CEP290: variants seen among roughly 807,000 people sequenced by gnomAD.
CEP290 encodes centrosomal protein of 290 kDa.
In CEP290, 317 loss-of-function variants were observed where a neutral mutation model predicts 344.9. The observed-to-expected ratio is 0.92, with a 90% CI of 0.84 to 1.01. CEP290 has a LOEUF of 1.01. CEP290 is among the 50% of genes least tolerant of loss of function. The pLI, the probability that CEP290 is intolerant of heterozygous loss-of-function variation, is 0.00. For missense variants in CEP290, 2,754 were observed against 2,761.4 expected, an observed-to-expected ratio of 1.00 and a Z score of 0.06; for synonymous variants, 932 against 895.8, an observed-to-expected ratio of 1.04 and a Z score of -0.72.
chr12:88,130,412 T>C lies in CEP290; in HGVS notation c.525A>G (p.Gln175=), dbSNP rs2039993836. 1 of 1,603,802 alleles carries C rather than the reference T, an allele frequency of 6.2e-7. No homozygotes were observed. Among genetic ancestry groups the C allele is most frequent in the Admixed American group, 1.7e-5 (1 of 57,562 alleles). ...GGTAGTCAATAATATCCTGACAAAG[T>C]TGTTCATTCTGAAGGTAACCAAACA... The part of the protein sequence containing the change: ...ENKRLKKKNE[Q]LCQDIIDYQK... The change falls in exon 9 of 54, where the codon CAA becomes CAG. Residue 175 remains glutamine, a synonymous_variant. Coordinates refer to ENST00000552810, the MANE Select transcript of CEP290 (RefSeq NM_025114.4).
chr12:88,110,531 C>T (rs571239186), intron 22 of CEP290, among the ~76,000 whole-genome samples: 70 of 151,740 alleles, frequency 4.6e-4, no homozygotes, highest in Non-Finnish European at 8.0e-4. Flanking sequence ...GCCAATATGA[C>T]GACACACCAT....
chr12:88,067,564 T>C (rs1313041915), intron 44 of CEP290, among the ~76,000 whole-genome samples: 1 of 152,200 alleles, frequency 6.6e-6, no homozygotes, highest in Non-Finnish European at 1.5e-5. Context: ...CGGATCTATG[T>C]AGTTGTTGTG....
At chr12:88,055,512 T>A in intron 50 of CEP290, 64 bp downstream of exon 50, 1 of 1,401,076 alleles carries the variant, frequency 7.1e-7, no homozygotes, top group Non-Finnish European at 9.7e-7. Flanking sequence ...TATAAGACAA[T>A]GCAAGGAACA....
rs754184488 is a variant in CEP290 at position 88,080,279 on chromosome 12, G to A, written c.5129C>T (p.Ala1710Val). 2.1e-5 allele frequency: 34 copies of A among 1,613,292 alleles called. 1 individual carries two copies. The Admixed American group carries it at 4.8e-4, about 23-fold the overall frequency. Residue 1710 changes from alanine (A) to valine (V), a missense_variant, in exon 38 of 54, where the codon GCT becomes GTT. Coordinates refer to ENST00000552810, the MANE Select transcript of CEP290 (RefSeq NM_025114.4). The part of the protein sequence containing the change: ...ESQCLKSELQ[A>V]QKEANSRAPT... Reference sequence around the variant, plus strand: ...AGCTCTTGAATTTGCTTCTTTTTGAGCCTGAAGTTCAGATTTTAAACACTG... The same window carrying A: ...AGCTCTTGAATTTGCTTCTTTTTGAACCTGAAGTTCAGATTTTAAACACTG...
At chr12:88,063,656 TC>T (rs557297575) in intron 45 of CEP290, among the ~76,000 whole-genome samples, 66 of 152,182 alleles carry the variant, frequency 4.3e-4, no homozygotes, top group African/African-American at 1.5e-3. Flanking sequence ...TTTACACCAA[TC>T]ATGCTTTATT....
At chr12:88,120,373 G>A (rs2039330919) in intron 14 of CEP290, 97 bp from the exon 15 acceptor site, 1 of 547,708 alleles carries the variant, frequency 1.8e-6, no homozygotes, top group African/African-American at 2.0e-5. Flanking sequence ...AAAGGAAAAT[G>A]TACATATGCC....
chr12:88,114,402 A>T lies in CEP290; in HGVS notation c.2052+18T>A, dbSNP rs2038913409. 1 of 1,531,868 alleles carries T rather than the reference A, an allele frequency of 6.5e-7. No homozygotes were observed. The highest frequency in any genetic ancestry group is 2.1e-5 in the Admixed American group (1 of 47,358). 94.9% of individuals were successfully genotyped at this position (1,531,868 alleles called of 1,614,324 possible). A position where few individuals can be genotyped will look rare whatever the true frequency, so the allele number is the denominator to read the frequency against. ...AAAGTGATAGGGGAAAAACATTAAC[A>T]TGAAAAAAATAACTTACATTAACTA... On this transcript the variant is annotated intron_variant, in intron 20 of 53. Transcript: ENST00000552810.
chr12:88,059,365 C>A (rs2034272689), intron 48 of CEP290, among the ~76,000 whole-genome samples: 1 of 152,118 alleles, frequency 6.6e-6, no homozygotes, highest in South Asian at 2.1e-4. Context: ...GCTTACGAGA[C>A]CTAGCTATAA....
chr12:88,059,653 C>T (rs892196631), intron 48 of CEP290, among the ~76,000 whole-genome samples: 5 of 152,126 alleles, frequency 3.3e-5, no homozygotes, highest in Admixed American at 6.5e-5. Flanking sequence ...GTGATCCACC[C>T]GCCTTGGCCT....
chr12:88,134,810 A>G (rs1227343403), intron 6 of CEP290, among the ~76,000 whole-genome samples: 1 of 152,200 alleles, frequency 6.6e-6, no homozygotes, highest in African/African-American at 2.4e-5. Context: ...TTTCAGTCAA[A>G]ATGAATAACT....
At chr12:88,132,937 T>C (rs181453262) in intron 6 of CEP290, among the ~76,000 whole-genome samples, 1 of 152,232 alleles carries the variant, frequency 6.6e-6, no homozygotes, top group East Asian at 1.9e-4. Flanking sequence ...CATGTGTCCA[T>C]GTGTTCTCAT....
In CEP290 at chr12:88,093,982, G is replaced by A. The variant is rs1382103918; in HGVS notation, c.3104-7C>T. 1.3e-6 allele frequency: 2 copies of A among 1,581,754 alleles called. No individual in the cohort carries two copies. Among genetic ancestry groups the A allele is most frequent in the South Asian group, 2.3e-5 (2 of 86,296 alleles). On this transcript the variant is annotated splice_region_variant and splice_polypyrimidine_tract_variant and intron_variant, in intron 27 of 53. Coordinates refer to ENST00000552810, the MANE Select transcript of CEP290 (RefSeq NM_025114.4). ...TCCATGCTAGATTCATTACCTACAT[G>A]CAATAATATTTAAGTCAATCTCATG...
intron 35 of CEP290, among the ~76,000 whole-genome samples, 190 bp downstream of exon 35, chr12:88,084,396 T>C (rs754833042): frequency 3.3e-5 from 5 of 152,138 alleles, no homozygotes; most frequent in Non-Finnish European, 5.9e-5. Context: ...CAGTGTATAA[T>C]AGAAAGATAC....
intron 28 of CEP290, among the ~76,000 whole-genome samples, chr12:88,093,071 TTATC>T (rs951923843): frequency 1.4e-4 from 22 of 152,234 alleles, no homozygotes; most frequent in Middle Eastern, 6.8e-3. Context: ...AGGCAACTCA[TTATC>T]TAATAATATC....
At position 88,118,530 on chromosome 12, in the gene CEP290, T is replaced by C. The variant is rs369231584; in HGVS notation, c.1664A>G (p.Lys555Arg). ...TCTTTCTTGAGCCATTTGACGAATTTTTTTTTTCAGATCAAGTCGTTCTTC... is the reference window on the plus strand; with the variant it reads ...TCTTTCTTGAGCCATTTGACGAATTCTTTTTTTCAGATCAAGTCGTTCTTC... Reference protein sequence around the residue: ...LEEERLDLKKKIRQMAQERGK... With the variant: ...LEEERLDLKKRIRQMAQERGK... Residue 555 changes from lysine to arginine, a missense_variant, in exon 17 of 54, where the codon AAA becomes AGA. Physicochemically the swap from Lys to Arg is conservative, Grantham distance 26 (BLOSUM62 2). Coordinates refer to ENST00000552810, the MANE Select transcript of CEP290 (RefSeq NM_025114.4). The C allele has an allele frequency of 6.3e-7, 1 of 1,576,916 alleles. No individual in the cohort carries two copies. The highest frequency in any genetic ancestry group is 8.6e-7 in the Non-Finnish European group (1 of 1,159,276).
intron 47 of CEP290, 33 bp downstream of exon 47, chr12:88,060,797 T>A (rs2034418702): frequency 7.0e-7 from 1 of 1,438,680 alleles, no homozygotes; most frequent in Middle Eastern, 1.8e-4. Flanking sequence ...CGTAAAATAT[T>A]CCCCTAAAAA....
intron 28 of CEP290, chr12:88,093,466 T>C (rs540643898): frequency 5.4e-5 from 15 of 277,398 alleles, no homozygotes; most frequent in South Asian, 9.8e-5. Context: ...TGACATGTAA[T>C]AGGCAATGAA....
intron 40 of CEP290, 83 bp from the exon 41 acceptor site, chr12:88,077,427 A>G (rs2035861716): frequency 3.2e-6 from 3 of 925,898 alleles, no homozygotes; most frequent in Non-Finnish European, 4.7e-6. Flanking sequence ...ATATAATAGC[A>G]ACTTTCTGAA....
In CEP290 at chr12:88,118,490, T is replaced by C. The variant is rs1205694117; in HGVS notation, c.1704A>G (p.Ala568=). 1 of 1,556,504 alleles carries C rather than the reference T, an allele frequency of 6.4e-7. No homozygotes were observed. The highest frequency in any genetic ancestry group is 1.2e-5 in the South Asian group (1 of 84,594). Residue 568 remains alanine, a synonymous_variant, in exon 17 of 54, where the codon GCA becomes GCG. Coordinates refer to ENST00000552810, the MANE Select transcript of CEP290 (RefSeq NM_025114.4). ...TAGAATAACTGAGTATACCTGAAGT[T>C]GCACTTCTTTTTCCTCTTTCTTGAG... The part of the protein sequence containing the change: ...QMAQERGKRS[A]TSGLTTEDLN...
Sources: gnomAD v4.1 joint callset for allele counts (sites outside exome capture counted in the v4.1 genomes callset) on GRCh38, gnomAD v4.1.1 for gene constraint, MANE v1.5 for transcripts, NCBI Gene and HGNC (gene_info 2026-07-23, HGNC 2026-07-21) for gene names.